The following RAPGEF6 variants were observed in gnomAD, a reference collection of about 807,000 sequenced individuals.
RAPGEF6 encodes Rap guanine nucleotide exchange factor 6.
In RAPGEF6, 56 loss-of-function variants were observed where a neutral mutation model predicts 171.4. That is an observed-to-expected ratio of 0.33 (90% CI 0.26 to 0.41). RAPGEF6 has a LOEUF of 0.41. Ranked by LOEUF, RAPGEF6 falls within the 10% of genes least tolerant of loss-of-function variation. The pLI is 1.00. For missense variants in RAPGEF6, 1,674 were observed against 1,921.4 expected (o/e 0.87, Z 2.41); for synonymous variants, 692 against 650.1 (o/e 1.06, Z -0.98).
chr5:131,549,645 C>T (rs1415798024), intron 5 of RAPGEF6, among the ~76,000 whole-genome samples: 1 of 151,500 alleles, frequency 6.6e-6, no homozygotes, highest in East Asian at 1.9e-4. Context: ...CAGGAGTTAA[C>T]GTCCAGCCTG....
intron 6 of RAPGEF6, among the ~76,000 whole-genome samples, chr5:131,547,563 G>A (rs2149948677): frequency 6.9e-6 from 1 of 145,788 alleles, no homozygotes. Flanking sequence ...AGGCTGGAAT[G>A]CAGTGGTGTG....
At position 131,520,379 on chromosome 5, in the gene RAPGEF6, T is replaced by C. The variant is rs373920041; in HGVS notation, c.627+1011A>G. On this transcript the variant is annotated intron_variant, in intron 7 of 27. Coordinates refer to ENST00000509018, the MANE Select transcript of RAPGEF6 (RefSeq NM_016340.6). ...TGCAAAAGTAATGTAAGGTAACTCATGCATAATGTTAAAACATTAAATACA... is the reference window on the plus strand; with the variant it reads ...TGCAAAAGTAATGTAAGGTAACTCACGCATAATGTTAAAACATTAAATACA... Among the ~76,000 whole-genome samples, 26 of 152,336 alleles carry C rather than the reference T, an allele frequency of 1.7e-4. No individual in the cohort carries two copies. The East Asian group carries it at 4.6e-3, about 27-fold the overall frequency.
chr5:131,433,715 T>C, intron 24 of RAPGEF6, 57 bp from the exon 25 acceptor site: 1 of 1,300,246 alleles, frequency 7.7e-7, no homozygotes, highest in Non-Finnish European at 1.1e-6. Context: ...ATGGTGGGGG[T>C]AGTAGGGGAA....
At chr5:131,586,432 T>C (rs10477736) in intron 4 of RAPGEF6, among the ~76,000 whole-genome samples, 118,877 of 152,154 alleles carry the variant, frequency 0.78, 46,770 homozygotes, top group African/African-American at 0.84. Flanking sequence ...GCAGGTGGAT[T>C]ACTTGAGGCC....
At chr5:131,439,506 A>G in intron 24 of RAPGEF6, 75 bp downstream of exon 24, 2 of 1,487,624 alleles carry the variant, frequency 1.3e-6, no homozygotes, top group Admixed American at 2.5e-5. Flanking sequence ...TTATTGCTAT[A>G]GATTGAAAAG....
intron 20 of RAPGEF6, among the ~76,000 whole-genome samples, chr5:131,454,339 A>G (rs1241934111): frequency 6.6e-6 from 1 of 152,236 alleles, no homozygotes; most frequent in African/African-American, 2.4e-5. Flanking sequence ...ATGGAACATC[A>G]TTCAAAAAGC....
intron 1 of RAPGEF6, among the ~76,000 whole-genome samples, chr5:131,627,992 C>A (rs541469024): frequency 6.6e-6 from 1 of 152,272 alleles, no homozygotes; most frequent in African/African-American, 2.4e-5. Flanking sequence ...CCAACTGTTC[C>A]ACTGGCTGTT....
intron 24 of RAPGEF6, chr5:131,435,878 T>TG: frequency 6.9e-7 from 1 of 1,444,980 alleles, no homozygotes. Context: ...CTTTGACAAA[T>TG]GGTTTAATTT....
intron 7 of RAPGEF6, among the ~76,000 whole-genome samples, chr5:131,517,250 C>T (rs1452082217): frequency 6.6e-6 from 1 of 152,008 alleles, no homozygotes. Context: ...TGCACATGTA[C>T]CCCCCTGCAT....
Position 131,442,437 on chromosome 5 carries a change from T to C in RAPGEF6, c.3522A>G (p.Gln1174=). 1 of 1,614,130 alleles carries C rather than the reference T, an allele frequency of 6.2e-7. No individual in the cohort carries two copies. Among genetic ancestry groups the C allele is most frequent in the Non-Finnish European group, 8.5e-7 (1 of 1,180,012 alleles). Residue 1174 remains glutamine, a synonymous_variant, in exon 23 of 28, where the codon CAA becomes CAG. Coordinates refer to ENST00000509018, the MANE Select transcript of RAPGEF6 (RefSeq NM_016340.6). Reference sequence around the variant, plus strand: ...GAAGCACCTGGCTTACTCTGTGGGGTTGATGCAAGTGGGCTTTAGTTGTTT... The same window carrying C: ...GAAGCACCTGGCTTACTCTGTGGGGCTGATGCAAGTGGGCTTTAGTTGTTT... ...AGQTTKAHLH[Q]PHRVSQVLQV... is the part of the protein sequence containing the mutation.
chr5:131,607,372 G>A lies in RAPGEF6; in HGVS notation c.70-2679C>T, dbSNP rs570973184. 1.2e-4 allele frequency among the ~76,000 whole-genome samples: 18 copies of A among 152,290 alleles called. No individual in the cohort carries two copies. In the East Asian group the frequency reaches 2.9e-3, roughly 24 times the overall value. ...CTACCACAGAATGAACCAAATTCTA[G>A]CCCTAATCACAGCCTGCAGTCTCAG... is the stretch of plus-strand genomic sequence containing the variant. On this transcript the variant is annotated intron_variant, in intron 1 of 27. Coordinates refer to ENST00000509018, the MANE Select transcript of RAPGEF6 (RefSeq NM_016340.6).
Position 131,441,548 on chromosome 5 carries a change from CTCTG to C in RAPGEF6, c.3610+797_3610+800del, listed in dbSNP as rs1396563743. Among the ~76,000 whole-genome samples the C allele has an allele frequency of 3.9e-5, 6 of 152,156 alleles. No homozygotes were observed. In the East Asian group the frequency reaches 1.2e-3, roughly 29 times the overall value. The stretch of plus-strand genomic sequence containing the variant: ...GCCTTCTTCTGAAGCCCTATCTTAC[CTCTG>C]TCTAAGTTAAAAGCTCTTGTTTTGT... On this transcript the variant is annotated intron_variant, in intron 23 of 27. Transcript: ENST00000509018.
At chr5:131,589,381 C>A (rs773092178) in intron 4 of RAPGEF6, among the ~76,000 whole-genome samples, 3 of 152,140 alleles carry the variant, frequency 2.0e-5, no homozygotes, top group Non-Finnish European at 4.4e-5. Flanking sequence ...TATTCAGAGG[C>A]ACTATGACAG....
At chr5:131,594,133 C>A (rs1456962238) in intron 3 of RAPGEF6, among the ~76,000 whole-genome samples, 1 of 152,254 alleles carries the variant, frequency 6.6e-6, no homozygotes, top group Non-Finnish European at 1.5e-5. Flanking sequence ...GACCCTGCTA[C>A]TCTGTGTAGC....
intron 1 of RAPGEF6, 121 bp from the exon 2 acceptor site, chr5:131,604,814 A>T (rs965987149): frequency 2.3e-5 from 28 of 1,228,464 alleles, no homozygotes; most frequent in Non-Finnish European, 3.1e-5. Context: ...ACTATGGAAA[A>T]ATCATAAAAC....
chr5:131,442,829 C>T (rs190236882), intron 22 of RAPGEF6, among the ~76,000 whole-genome samples: 2 of 152,188 alleles, frequency 1.3e-5, no homozygotes, highest in Admixed American at 6.5e-5. Context: ...GCTCTGTCGC[C>T]CGGGCTGAAG....
At chr5:131,630,069 T>G (rs143558070) in intron 1 of RAPGEF6, among the ~76,000 whole-genome samples, 31 of 152,310 alleles carry the variant, frequency 2.0e-4, no homozygotes, top group African/African-American at 6.7e-4. Context: ...TCAAACAGCA[T>G]CACATGCTAA....
intron 1 of RAPGEF6, among the ~76,000 whole-genome samples, chr5:131,622,060 A>G (rs1326016630): frequency 6.6e-6 from 1 of 152,194 alleles, no homozygotes; most frequent in African/African-American, 2.4e-5. Flanking sequence ...TTACCGCACA[A>G]ATGTTCATTA....
intron 6 of RAPGEF6, among the ~76,000 whole-genome samples, chr5:131,540,516 C>T (rs992955759): frequency 3.9e-5 from 6 of 152,136 alleles, no homozygotes; most frequent in Non-Finnish European, 5.9e-5. Flanking sequence ...GAACTATGAT[C>T]GCATAACTGC....
Sources: gnomAD v4.1 joint callset for allele counts (sites outside exome capture counted in the v4.1 genomes callset) on GRCh38, gnomAD v4.1.1 for gene constraint, MANE v1.5 for transcripts, NCBI Gene and HGNC (gene_info 2026-07-23, HGNC 2026-07-21) for gene names.